MX1: variants seen among roughly 807,000 people sequenced by gnomAD.
The protein encoded by MX1 is MX dynamin like GTPase 1, also known as interferon-induced GTP-binding protein Mx1.
A neutral mutation model predicts 66.4 loss-of-function variants in MX1; 66 were observed. The observed-to-expected ratio is 0.99, with a 90% confidence interval of 0.82 to 1.22. The LOEUF (loss-of-function observed/expected upper bound fraction) is 1.22, where lower values mean the gene tolerates loss of function less well. MX1 is among the 50% of genes most tolerant of loss of function. The pLI, the probability that MX1 is intolerant of heterozygous loss-of-function variation, is 0.00. For synonymous variants in MX1, 311 were observed against 318.1 expected (o/e 0.98, Z 0.24); for missense variants, 787 against 834.3 (o/e 0.94, Z 0.70).
chr21:41,444,935 C>G (rs1274626921), intron 11 of MX1, among the ~76,000 whole-genome samples: 1 of 152,188 alleles, frequency 6.6e-6, no homozygotes, highest in Non-Finnish European at 1.5e-5. Context: ...TTTCACATGT[C>G]AGCTGGCATT....
At chr21:41,448,007 G>A (rs573656714) in intron 13 of MX1, among the ~76,000 whole-genome samples, 23 of 152,322 alleles carry the variant, frequency 1.5e-4, no homozygotes, top group Middle Eastern at 3.4e-3. Flanking sequence ...GGGATTACGG[G>A]CGTGAGCCAC....
chr21:41,439,089 C>T (rs919840823), intron 7 of MX1, among the ~76,000 whole-genome samples: 2 of 152,026 alleles, frequency 1.3e-5, no homozygotes, highest in Non-Finnish European at 2.9e-5. Context: ...ACCATAACCA[C>T]TGATATTTCC....
At chr21:41,445,307 G>A (rs944918802) in intron 11 of MX1, 141 bp from the exon 12 acceptor site, 19 of 999,496 alleles carry the variant, frequency 1.9e-5, no homozygotes, top group African/African-American at 1.1e-4. Flanking sequence ...ACCTCCCCCG[G>A]GTCTGGAAAA....
chr21:41,454,453 AG>A (rs1225155305), intron 16 of MX1, among the ~76,000 whole-genome samples: 10 of 152,142 alleles, frequency 6.6e-5, no homozygotes. Context: ...TGTTACGGCC[AG>A]GAATTCAGAT....
intron 11 of MX1, among the ~76,000 whole-genome samples, chr21:41,444,731 A>AT: frequency 6.6e-6 from 1 of 151,854 alleles, no homozygotes; most frequent in South Asian, 2.1e-4. Context: ...ATGGGGATTG[A>AT]TTTTTTGCCT....
chr21:41,444,155 C>A lies in MX1; in HGVS notation c.1008+289C>A, dbSNP rs575769848. Among the ~76,000 whole-genome samples, 4 of 152,166 alleles carry A rather than the reference C, an allele frequency of 2.6e-5. No individual in the cohort carries two copies. The East Asian group carries it at 7.7e-4, about 29-fold the overall frequency. On this transcript the variant is annotated intron_variant, in intron 11 of 16. Transcript: ENST00000398598. ...AAATCTTATGCACAAGCTACTAACT[C>A]TTCCTTTCTCATTGACAACCACTAT...
chr21:41,428,013 C>G (rs1412556135), intron 3 of MX1, 147 bp downstream of exon 3: 1 of 152,378 alleles, frequency 6.6e-6, no homozygotes, highest in Non-Finnish European at 1.5e-5. Flanking sequence ...TCAAGCGATT[C>G]TGGTGCCTCA....
At chr21:41,454,908 CTTTTT>C (rs36105889) in intron 16 of MX1, among the ~76,000 whole-genome samples, 24 of 141,438 alleles carry the variant, frequency 1.7e-4, no homozygotes, top group African/African-American at 5.4e-4. Flanking sequence ...TTCTGCCTTT[CTTTTT>C]TTTTTTTTTT....
intron 13 of MX1, 26 bp from the exon 14 acceptor site, chr21:41,449,111 T>TTA: frequency 1.3e-6 from 2 of 1,557,136 alleles, no homozygotes; most frequent in Non-Finnish European, 1.7e-6. Flanking sequence ...GTAAAATAAT[T>TTA]TAGAGGGTTT....
intron 16 of MX1, among the ~76,000 whole-genome samples, chr21:41,453,755 G>A: frequency 6.6e-6 from 1 of 152,146 alleles, no homozygotes; most frequent in East Asian, 1.9e-4. Context: ...TACATGGGAG[G>A]TGTACTTGCC....
chr21:41,424,926 C>T (rs952066581), upstream of MX1, among the ~76,000 whole-genome samples: 3 of 152,176 alleles, frequency 2.0e-5, no homozygotes, highest in Non-Finnish European at 2.9e-5. Flanking sequence ...TTACTTAACC[C>T]GTGACAATTC....
intron 8 of MX1, among the ~76,000 whole-genome samples, chr21:41,440,288 C>T (rs886744957): frequency 1.3e-4 from 19 of 151,994 alleles, no homozygotes; most frequent in African/African-American, 3.6e-4. Flanking sequence ...TCCTTGAGCC[C>T]AAGAGTTTGA....
intron 16 of MX1, among the ~76,000 whole-genome samples, chr21:41,457,236 G>A (rs1219668117): frequency 2.6e-5 from 4 of 152,098 alleles, no homozygotes; most frequent in Non-Finnish European, 2.9e-5. Context: ...GTAGACCTCT[G>A]CGATTTCTGT....
chr21:41,458,587 G>C lies in MX1; in HGVS notation c.1818G>C (p.Gln606His). ...TGATCATCCAGTTCTTCATGCTCCAGACGTACGGCCAGCAGCTTCAGAAGG... is the reference window on the plus strand; with the variant it reads ...TGATCATCCAGTTCTTCATGCTCCACACGTACGGCCAGCAGCTTCAGAAGG... ...IPLIIQFFML[Q>H]TYGQQLQKAM... Residue 606 changes from glutamine (Q) to histidine (H), a missense_variant, in exon 17 of 17, where the codon CAG (glutamine) becomes CAC (histidine). Coordinates refer to ENST00000398598, the MANE Select transcript of MX1 (RefSeq NM_002462.5). 2 of 1,609,194 alleles carry C rather than the reference G, an allele frequency of 1.2e-6. No individual in the cohort carries two copies. Among genetic ancestry groups the C allele is most frequent in the Non-Finnish European group, 8.5e-7 (1 of 1,177,964 alleles).
intron 10 of MX1, among the ~76,000 whole-genome samples, chr21:41,442,199 GA>G (rs1366715079): frequency 6.6e-6 from 1 of 151,908 alleles, no homozygotes; most frequent in East Asian, 1.9e-4. Flanking sequence ...CATGGTGCTG[GA>G]ACCATATTTT....
intron 5 of MX1, among the ~76,000 whole-genome samples, chr21:41,432,943 C>T (rs457347): frequency 0.64 from 97,852 of 152,124 alleles, 33,634 homozygotes; most frequent in East Asian, 0.99. Flanking sequence ...CTGATACCAC[C>T]GTTTACATTT....
intron 5 of MX1, among the ~76,000 whole-genome samples, chr21:41,435,018 T>A (rs2146142851): frequency 6.6e-6 from 1 of 152,346 alleles, no homozygotes; most frequent in Middle Eastern, 3.4e-3. Context: ...CCTTCATTTT[T>A]AAAAGTTATT....
chr21:41,438,577 A>G (rs1568977056), intron 7 of MX1, among the ~76,000 whole-genome samples: 1 of 152,198 alleles, frequency 6.6e-6, no homozygotes, highest in Non-Finnish European at 1.5e-5. Flanking sequence ...GTCTCTCCTG[A>G]CGTGGCACTG....
intron 12 of MX1, 164 bp downstream of exon 12, chr21:41,445,734 G>T (rs2090642645): frequency 6.8e-6 from 7 of 1,022,502 alleles, no homozygotes; most frequent in Non-Finnish European, 9.8e-6. Context: ...AGGGCAGGGA[G>T]TGCAGATGTG....
Sources: allele counts gnomAD v4.1 joint callset (sites outside exome capture counted in the v4.1 genomes callset), GRCh38; gene constraint gnomAD v4.1.1; transcripts MANE v1.5; gene names NCBI Gene and HGNC (gene_info 2026-07-23, HGNC 2026-07-21).